TMEM9: variants seen among roughly 807,000 people sequenced by gnomAD.
TMEM9 encodes the protein transmembrane protein 9.
In TMEM9, 13 loss-of-function variants were observed where a neutral mutation model predicts 22.8. The ratio of observed to expected loss-of-function variants is 0.57; its 90% confidence interval spans 0.37 to 0.91. The LOEUF (loss-of-function observed/expected upper bound fraction) is 0.91. TMEM9 is among the 40% of genes least tolerant of loss of function. The pLI, the probability that TMEM9 is intolerant of heterozygous loss-of-function variation, is 0.01. For missense variants in TMEM9, 182 were observed against 238.1 expected (o/e 0.76, Z 1.55); for synonymous variants, 88 against 93.0 (o/e 0.95, Z 0.31).
At chr1:201,168,960 T>G (rs1249954733) in intron 1 of TMEM9, among the ~76,000 whole-genome samples, 1 of 121,326 alleles carries the variant, frequency 8.2e-6, no homozygotes, top group African/African-American at 3.1e-5. Flanking sequence ...CCCAGCTAAT[T>G]ATATTACTTT....
At chr1:201,144,047 ACTC>A in intron 3 of TMEM9, 96 bp from the exon 4 acceptor site, 3 of 1,404,410 alleles carry the variant, frequency 2.1e-6, no homozygotes, top group South Asian at 2.5e-5. Flanking sequence ...GCTGGCAGTG[ACTC>A]CTCAAGTGGT....
chr1:201,146,899 G>A, intron 2 of TMEM9, 51 bp from the exon 3 acceptor site: 1 of 1,554,616 alleles, frequency 6.4e-7, no homozygotes, highest in Non-Finnish European at 8.9e-7. Context: ...ACGTCTTAGA[G>A]CCTCAAGACC....
intron 4 of TMEM9, among the ~76,000 whole-genome samples, chr1:201,141,516 G>A (rs895610966): frequency 6.6e-6 from 1 of 152,154 alleles, no homozygotes; most frequent in Non-Finnish European, 1.5e-5. Flanking sequence ...CACAACCAGC[G>A]AGAGTTGGCT....
intron 1 of TMEM9, among the ~76,000 whole-genome samples, chr1:201,168,633 C>A (rs1183061080): frequency 6.6e-6 from 1 of 152,226 alleles, no homozygotes; most frequent in African/African-American, 2.4e-5. Flanking sequence ...GCAGGAGACT[C>A]GCTTGAACCT....
chr1:201,170,716 A>C (rs900802112), intron 1 of TMEM9, among the ~76,000 whole-genome samples: 1 of 152,168 alleles, frequency 6.6e-6, no homozygotes, highest in Non-Finnish European at 1.5e-5. Context: ...CGCAAAGGGC[A>C]AGTGTATTGC....
chr1:201,149,340 G>A (rs1031194969), intron 2 of TMEM9, among the ~76,000 whole-genome samples: 2 of 152,202 alleles, frequency 1.3e-5, no homozygotes, highest in Non-Finnish European at 2.9e-5. Context: ...GAGGGGCTGA[G>A]GGACAGTTCC....
At chr1:201,139,097 A>G (rs1224491528) in intron 4 of TMEM9, among the ~76,000 whole-genome samples, 3 of 152,230 alleles carry the variant, frequency 2.0e-5, no homozygotes, top group Admixed American at 6.5e-5. Flanking sequence ...AGGCCGTCCC[A>G]GATGAAACCC....
At chr1:201,150,007 G>A (rs568675598) in intron 2 of TMEM9, among the ~76,000 whole-genome samples, 129 of 152,352 alleles carry the variant, frequency 8.5e-4, no homozygotes, top group African/African-American at 3.0e-3. Context: ...TGACTTCTGA[G>A]GGGAAGAAGG....
intron 1 of TMEM9, among the ~76,000 whole-genome samples, chr1:201,163,265 C>T (rs906532017): frequency 2.6e-5 from 4 of 151,332 alleles, no homozygotes; most frequent in Admixed American, 6.6e-5. Context: ...CCAGCCTGGG[C>T]GACACAGTGA....
chr1:201,147,856 C>T (rs1024108997), intron 2 of TMEM9, among the ~76,000 whole-genome samples: 18 of 152,334 alleles, frequency 1.2e-4, no homozygotes, highest in African/African-American at 4.1e-4. Flanking sequence ...GCCACACCCA[C>T]ACTCTCACCA....
chr1:201,167,228 C>A (rs755727159), intron 1 of TMEM9, among the ~76,000 whole-genome samples: 1 of 152,164 alleles, frequency 6.6e-6, no homozygotes, highest in African/African-American at 2.4e-5. Context: ...TTAATTGATG[C>A]GGGGCCAGCC....
chr1:201,165,939 C>T (rs138423090), intron 1 of TMEM9, among the ~76,000 whole-genome samples: 53 of 152,284 alleles, frequency 3.5e-4, no homozygotes, highest in Admixed American at 5.9e-4. Context: ...TGCCTTTCTT[C>T]GTGGTCCAGG....
chr1:201,146,339 T>C (rs1664961918), intron 3 of TMEM9, among the ~76,000 whole-genome samples: 1 of 152,234 alleles, frequency 6.6e-6, no homozygotes, highest in Non-Finnish European at 1.5e-5. Flanking sequence ...CTTTGGAAGC[T>C]TAATTAGACT....
At chr1:201,137,352 CTA>C (rs1322184263) in intron 4 of TMEM9, among the ~76,000 whole-genome samples, 1 of 152,174 alleles carries the variant, frequency 6.6e-6, no homozygotes, top group Non-Finnish European at 1.5e-5. Flanking sequence ...ACTTATGAGG[CTA>C]TGTGTCCCTG....
At chr1:201,163,564 T>C (rs1259183643) in intron 1 of TMEM9, among the ~76,000 whole-genome samples, 1 of 152,152 alleles carries the variant, frequency 6.6e-6, no homozygotes, top group Non-Finnish European at 1.5e-5. Flanking sequence ...CACTCCAACC[T>C]GGGTGACGGA....
intron 3 of TMEM9, chr1:201,145,753 G>C (rs1466971591): frequency 6.6e-6 from 1 of 152,264 alleles, no homozygotes; most frequent in African/African-American, 2.4e-5. Flanking sequence ...TTGAGGCCAG[G>C]AGTTCGAGAC....
intron 4 of TMEM9, among the ~76,000 whole-genome samples, chr1:201,137,377 T>C (rs1169074907): frequency 1.3e-5 from 2 of 152,180 alleles, no homozygotes; most frequent in African/African-American, 4.8e-5. Context: ...CAAGTTACTT[T>C]ATTTCTCCAA....
At chr1:201,148,405 A>G (rs888752233) in intron 2 of TMEM9, among the ~76,000 whole-genome samples, 1 of 152,188 alleles carries the variant, frequency 6.6e-6, no homozygotes, top group African/African-American at 2.4e-5. Flanking sequence ...AAAACTCTAC[A>G]GAATGCACCT....
At chr1:201,138,424 C>T (rs1385730475) in intron 4 of TMEM9, among the ~76,000 whole-genome samples, 1 of 152,208 alleles carries the variant, frequency 6.6e-6, no homozygotes, top group African/African-American at 2.4e-5. Context: ...TCAGAGACAG[C>T]CCAGAGTGGG....
Sources: allele counts gnomAD v4.1 joint callset (sites outside exome capture counted in the v4.1 genomes callset), GRCh38; gene constraint gnomAD v4.1.1; transcripts MANE v1.5; gene names NCBI Gene and HGNC (gene_info 2026-07-23, HGNC 2026-07-21).